Variants in ZNF891 observed in about 807,000 individuals in gnomAD.
ZNF891 encodes the protein hCG1646157.
For synonymous variants in ZNF891, 199 were observed against 209.0 expected, an observed-to-expected ratio of 0.95 and a Z score of 0.41; for missense variants, 589 against 632.7, an observed-to-expected ratio of 0.93 and a Z score of 0.74.
chr12:133,121,579 C>G lies in ZNF891; in HGVS notation c.340G>C (p.Asp114His), dbSNP rs148080897. The G allele has an allele frequency of 1.5e-3, 2,352 of 1,536,562 alleles. 9 individuals are homozygous for G. The highest frequency in any genetic ancestry group is 0.012 in the Middle Eastern group (72 of 5,994). Residue 114 changes from aspartate (D) to histidine (H), a missense_variant, in exon 2 of 2, where the codon GAC (aspartate) becomes CAC (histidine). Coordinates refer to ENST00000537226, the MANE Select transcript of ZNF891 (RefSeq NM_001277291.2). Reference protein sequence around the residue: ...KKRIPQAICPDQKIQPKTKES... With the variant: ...KKRIPQAICPHQKIQPKTKES... ...TTGGTTTTAGGTTGAATCTTCTGGTCTGGACAGATGGCTTGGGGAATTCTC... is the reference window on the plus strand; with the variant it reads ...TTGGTTTTAGGTTGAATCTTCTGGTGTGGACAGATGGCTTGGGGAATTCTC...
chr12:133,109,412 C>CT lies in ZNF891; in HGVS notation c.*10871dup, dbSNP rs750332156. On this transcript the variant is annotated 3_prime_UTR_variant, in exon 2 of 2. Coordinates refer to ENST00000537226, the MANE Select transcript of ZNF891 (RefSeq NM_001277291.2). ...ATTTTAACCATATAGGTGGCAATGG[C>CT]TAAATGATCATAGGGTTCCTAGAAA... The CT allele has an allele frequency of 6.6e-6, 1 of 152,132 alleles. No individual in the cohort carries two copies. Among genetic ancestry groups the CT allele is most frequent in the Non-Finnish European group, 1.5e-5 (1 of 68,028 alleles). The allele number at this position is 152,132 out of a possible 1,614,324, so 9.4% of individuals were successfully genotyped here. A position where few individuals can be genotyped will look rare whatever the true frequency, so the allele number is the denominator to read the frequency against.
At chr12:133,124,623 A>G (rs1162698662) in intron 1 of ZNF891, among the ~76,000 whole-genome samples, 1 of 151,624 alleles carries the variant, frequency 6.6e-6, no homozygotes, top group Non-Finnish European at 1.5e-5. Context: ...TACTGACTAC[A>G]GACTTCTCAG....
chr12:133,129,178 TA>T (rs1955848640), intron 1 of ZNF891, among the ~76,000 whole-genome samples: 1 of 152,058 alleles, frequency 6.6e-6, no homozygotes, highest in Non-Finnish European at 1.5e-5. Context: ...GAATACGAAC[TA>T]AAAAACCTAA....
chr12:133,111,000 A>G lies in ZNF891; in HGVS notation c.*9284T>C, dbSNP rs1252449732. The G allele has an allele frequency of 2.0e-5, 3 of 152,192 alleles. No homozygotes were observed. The highest frequency in any genetic ancestry group is 2.4e-5 in the African/African-American group (1 of 41,428). The allele number at this position is 152,192 out of a possible 1,614,324, so 9.4% of individuals were successfully genotyped here. ...AAAAGAAAAAGAAAAGAGAAAAAGGACAGGAAATTTGTTAAATCCCTCTGA... is the reference window on the plus strand; with the variant it reads ...AAAAGAAAAAGAAAAGAGAAAAAGGGCAGGAAATTTGTTAAATCCCTCTGA... On this transcript the variant is annotated 3_prime_UTR_variant, in exon 2 of 2. Transcript: ENST00000537226.
chr12:133,129,415 C>T (rs942073827), intron 1 of ZNF891, among the ~76,000 whole-genome samples: 2 of 150,704 alleles, frequency 1.3e-5, no homozygotes, highest in African/African-American at 4.9e-5. Context: ...GCAGAAGAAT[C>T]ACTTGAACCC....
chr12:133,121,190 C>T lies in ZNF891; in HGVS notation c.729G>A (p.Lys243=). The change falls in exon 2 of 2, where the codon AAG becomes AAA. Residue 243 remains lysine (K), a synonymous_variant. Transcript: ENST00000537226. Reference sequence around the variant, plus strand: ...TATCACATTCATGACTTTCATAGAGCTTCTCACTTATAGAGTTTTTCACAT... The same window carrying T: ...TATCACATTCATGACTTTCATAGAGTTTCTCACTTATAGAGTTTTTCACAT... The part of the protein sequence containing the change: ...NNYVKNSISE[K]LYESHECDTT... 2 of 1,535,472 alleles carry T rather than the reference C, an allele frequency of 1.3e-6. No individual in the cohort carries two copies. Among genetic ancestry groups the T allele is most frequent in the Non-Finnish European group, 1.7e-6 (2 of 1,146,802 alleles).
At position 133,118,552 on chromosome 12, in the gene ZNF891, C is replaced by T. The variant is rs139947231; in HGVS notation, c.*1732G>A. The stretch of plus-strand genomic sequence containing the variant: ...ACAGCAGCTACTGCCTTCTTTCTTC[C>T]ACCGTATGCCACTCCTTCCATATTT... On this transcript the variant is annotated 3_prime_UTR_variant, in exon 2 of 2. Transcript: ENST00000537226. The T allele has an allele frequency of 3.6e-4, 55 of 152,328 alleles. No individual in the cohort carries two copies. In the East Asian group the frequency reaches 8.9e-3, roughly 25 times the overall value. 9.4% of individuals were successfully genotyped at this position (152,328 alleles called of 1,614,324 possible).
chr12:133,119,359 C>A lies in ZNF891; in HGVS notation c.*925G>T, dbSNP rs1455307359. On this transcript the variant is annotated 3_prime_UTR_variant, in exon 2 of 2. Coordinates refer to ENST00000537226, the MANE Select transcript of ZNF891 (RefSeq NM_001277291.2). ...AGGAGTTTGAGACCAACCTGGCCAA[C>A]ATGGTGAAACCCCGTCTCTATTAAA... is the stretch of plus-strand genomic sequence containing the variant. 1.3e-5 allele frequency: 2 copies of A among 152,114 alleles called. No homozygotes were observed. Among genetic ancestry groups the A allele is most frequent in the African/African-American group, 2.4e-5 (1 of 41,490 alleles). 9.4% of individuals were successfully genotyped at this position (152,114 alleles called of 1,614,324 possible).
intron 1 of ZNF891, 40 bp from the exon 2 acceptor site, chr12:133,122,064 T>C (rs747217778): frequency 1.4e-6 from 2 of 1,403,674 alleles, no homozygotes; most frequent in East Asian, 2.5e-5. Flanking sequence ...AGAAGAAAGC[T>C]GGAAACAGGG....
Position 133,111,160 on chromosome 12 carries a change from A to G in ZNF891, c.*9124T>C, listed in dbSNP as rs1313896377. 5 of 152,084 alleles carry G rather than the reference A, an allele frequency of 3.3e-5. No homozygotes were observed. Among genetic ancestry groups the G allele is most frequent in the African/African-American group, 1.2e-4 (5 of 41,416 alleles). 9.4% of individuals were successfully genotyped at this position (152,084 alleles called of 1,614,324 possible). ...CCTTTAAAAGGCAGGACATAGAAAA[A>G]GTGGCAAAAAGTGTAAAAAATTATC... On this transcript the variant is annotated 3_prime_UTR_variant, in exon 2 of 2. Transcript: ENST00000537226.
Position 133,106,481 on chromosome 12 carries a change from C to G in ZNF891, c.*13803G>C, listed in dbSNP as rs780164629. On this transcript the variant is annotated 3_prime_UTR_variant, in exon 2 of 2. Transcript: ENST00000537226. ...CTTCAGCCGGAGCTTTTCCCTCATT[C>G]TACATCAGAGAACTCATACTGGAGA... 6.2e-7 allele frequency: 1 copy of G among 1,613,996 alleles called. No homozygotes were observed. The highest frequency in any genetic ancestry group is 8.5e-7 in the Non-Finnish European group (1 of 1,179,960).
At position 133,120,249 on chromosome 12, in the gene ZNF891, A is replaced by C; in HGVS notation, c.*35T>G. On this transcript the variant is annotated 3_prime_UTR_variant, in exon 2 of 2. Transcript: ENST00000537226. ...GACAAGGAGCTTGGAATCCACCTTA[A>C]GACAATGAAAACAGCAATTCCACAT... The C allele has an allele frequency of 1.4e-6, 2 of 1,477,026 alleles. No homozygotes were observed. The highest frequency in any genetic ancestry group is 2.6e-5 in the South Asian group (2 of 75,606). 91.5% of individuals were successfully genotyped at this position (1,477,026 alleles called of 1,614,324 possible). A position where few individuals can be genotyped will look rare whatever the true frequency, so the allele number is the denominator to read the frequency against.
At chr12:133,125,890 A>G in intron 1 of ZNF891, 1 of 501,212 alleles carries the variant, frequency 2.0e-6, no homozygotes, top group South Asian at 1.4e-5. Context: ...AGAAGAAGGC[A>G]TATGTTTGAC....
In ZNF891 at chr12:133,121,220, G is replaced by A; in HGVS notation, c.699C>T (p.Asn233=). ...IGCLKHNSII[N]NYVKNSISEK... is the part of the protein sequence containing the mutation. ...CACTTATAGAGTTTTTCACATAATT[G>A]TTTATGATTGAATTGTGTTTCAAAC... is the stretch of plus-strand genomic sequence containing the variant. Residue 233 remains asparagine (N), a synonymous_variant, in exon 2 of 2, where the codon AAC becomes AAT. Transcript: ENST00000537226. The A allele has an allele frequency of 6.5e-7, 1 of 1,535,456 alleles. No homozygotes were observed. Among genetic ancestry groups the A allele is most frequent in the South Asian group, 1.2e-5 (1 of 84,044 alleles).
intron 1 of ZNF891, among the ~76,000 whole-genome samples, chr12:133,128,376 A>G (rs1251998081): frequency 6.6e-6 from 1 of 152,238 alleles, no homozygotes; most frequent in Non-Finnish European, 1.5e-5. Flanking sequence ...TCACGCCTGT[A>G]ATCCTAGCAC....
At position 133,113,626 on chromosome 12, in the gene ZNF891, T is replaced by C. The variant is rs1955698890; in HGVS notation, c.*6658A>G. 6.6e-6 allele frequency: 1 copy of C among 152,258 alleles called. No homozygotes were observed. Among genetic ancestry groups the C allele is most frequent in the East Asian group, 1.9e-4 (1 of 5,208 alleles). 9.4% of individuals were successfully genotyped at this position (152,258 alleles called of 1,614,324 possible). On this transcript the variant is annotated 3_prime_UTR_variant, in exon 2 of 2. Coordinates refer to ENST00000537226, the MANE Select transcript of ZNF891 (RefSeq NM_001277291.2). ...GTTACTTATACATGAAAAATCCTTT[T>C]ATAAAATCTCAGTTTAAAATTGCTG...
Position 133,119,771 on chromosome 12 carries a change from AAGAT to A in ZNF891, c.*509_*512del, listed in dbSNP as rs777084478. On this transcript the variant is annotated 3_prime_UTR_variant, in exon 2 of 2. Transcript: ENST00000537226. Reference sequence around the variant, plus strand: ...AGATGAAGTGCAAAAAGTAGAGGACAAGATAGATAGTTCTGATCCCAGTGATATG... The same window carrying A: ...AGATGAAGTGCAAAAAGTAGAGGACAAGATAGTTCTGATCCCAGTGATATG... 1 of 153,400 alleles carries A rather than the reference AAGAT, an allele frequency of 6.5e-6. No individual in the cohort carries two copies. The highest frequency in any genetic ancestry group is 1.5e-5 in the Non-Finnish European group (1 of 68,902). The allele number at this position is 153,400 out of a possible 1,614,324, so 9.5% of individuals were successfully genotyped here. A position where few individuals can be genotyped will look rare whatever the true frequency, so the allele number is the denominator to read the frequency against.
intron 1 of ZNF891, among the ~76,000 whole-genome samples, chr12:133,127,880 A>G (rs932037673): frequency 3.3e-5 from 5 of 152,232 alleles, no homozygotes; most frequent in African/African-American, 1.2e-4. Context: ...ACATAGATTT[A>G]AGAAAAACTA....
At position 133,106,435 on chromosome 12, in the gene ZNF891, G is replaced by C; in HGVS notation, c.*13849C>G. On this transcript the variant is annotated 3_prime_UTR_variant, in exon 2 of 2. Coordinates refer to ENST00000537226, the MANE Select transcript of ZNF891 (RefSeq NM_001277291.2). ...GTCACACTGGAGAGAAACCCTATGCGTGTGCTGAATGTGATAAAGCCTTCA... is the reference window on the plus strand; with the variant it reads ...GTCACACTGGAGAGAAACCCTATGCCTGTGCTGAATGTGATAAAGCCTTCA... 1 of 1,613,946 alleles carries C rather than the reference G, an allele frequency of 6.2e-7. No individual in the cohort carries two copies. Among genetic ancestry groups the C allele is most frequent in the South Asian group, 1.1e-5 (1 of 91,080 alleles).
Sources: allele counts gnomAD v4.1 joint callset (sites outside exome capture counted in the v4.1 genomes callset), GRCh38; gene constraint gnomAD v4.1.1; transcripts MANE v1.5; gene names NCBI Gene and HGNC (gene_info 2026-07-23, HGNC 2026-07-21).